Variants in PTPRR observed in about 807,000 individuals in gnomAD.
PTPRR encodes protein tyrosine phosphatase receptor type R.
A neutral mutation model predicts 77.2 loss-of-function variants in PTPRR; 38 were observed. The observed-to-expected ratio is 0.49, with a 90% CI of 0.38 to 0.65. The LOEUF (loss-of-function observed/expected upper bound fraction) is 0.65, where lower values mean the gene tolerates loss of function less well. Among genes scored for constraint, PTPRR ranks in the 30% least tolerant of loss-of-function variants. The pLI is 0.00. For synonymous variants in PTPRR, 299 were observed against 283.1 expected, an observed-to-expected ratio of 1.06 and a Z score of -0.57; for missense variants, 744 against 799.2, an observed-to-expected ratio of 0.93 and a Z score of 0.83.
chr12:70,918,144 T>C (rs554238252), intron 1 of PTPRR, among the ~76,000 whole-genome samples: 13 of 152,342 alleles, frequency 8.5e-5, no homozygotes, highest in African/African-American at 2.9e-4. Flanking sequence ...GGAGCTGTGT[T>C]TGTTTTAGTT....
At chr12:70,649,989 T>C (rs1886335868) in intron 13 of PTPRR, among the ~76,000 whole-genome samples, 3 of 152,210 alleles carry the variant, frequency 2.0e-5, no homozygotes, top group Non-Finnish European at 2.9e-5. Flanking sequence ...ACAACTTCTT[T>C]CCCTCTCATT....
chr12:70,849,805 A>G (rs1053209181), intron 2 of PTPRR, among the ~76,000 whole-genome samples: 1 of 152,128 alleles, frequency 6.6e-6, no homozygotes, highest in African/African-American at 2.4e-5. Context: ...TCAAATTAGG[A>G]TATTTGAGGA....
intron 6 of PTPRR, among the ~76,000 whole-genome samples, chr12:70,705,481 T>C (rs149270962): frequency 1.9e-3 from 276 of 148,072 alleles, no homozygotes; most frequent in African/African-American, 6.7e-3. Context: ...GCAGTATACC[T>C]CATTTAGCAA....
intron 8 of PTPRR, among the ~76,000 whole-genome samples, chr12:70,685,709 T>C (rs1887842701): frequency 6.6e-6 from 1 of 152,118 alleles, no homozygotes; most frequent in South Asian, 2.1e-4. Context: ...TTCAGTGAGT[T>C]TTCAGTCTGC....
intron 2 of PTPRR, among the ~76,000 whole-genome samples, chr12:70,879,658 C>T (rs1443336360): frequency 6.6e-6 from 1 of 152,108 alleles, no homozygotes; most frequent in Non-Finnish European, 1.5e-5. Flanking sequence ...AATATAGTTT[C>T]TTTTTTTCAT....
intron 13 of PTPRR, among the ~76,000 whole-genome samples, chr12:70,655,738 TGA>T (rs923834831): frequency 2.6e-5 from 4 of 152,282 alleles, no homozygotes; most frequent in East Asian, 3.9e-4. Flanking sequence ...CCAGTTGGGC[TGA>T]GAGAGGAATG....
chr12:70,825,612 C>T (rs1202592153), intron 2 of PTPRR, among the ~76,000 whole-genome samples: 1 of 152,194 alleles, frequency 6.6e-6, no homozygotes, highest in Admixed American at 6.5e-5. Context: ...TAGACCTCCT[C>T]AAGGCCTGGG....
intron 10 of PTPRR, among the ~76,000 whole-genome samples, chr12:70,668,539 A>G (rs962317908): frequency 9.9e-5 from 15 of 152,210 alleles, no homozygotes; most frequent in African/African-American, 3.4e-4. Context: ...CTAATTATAA[A>G]TGATAGAGAA....
At chr12:70,681,253 T>A (rs1887647283) in intron 10 of PTPRR, among the ~76,000 whole-genome samples, 1 of 152,184 alleles carries the variant, frequency 6.6e-6, no homozygotes, top group South Asian at 2.1e-4. Flanking sequence ...GAACAGGATG[T>A]ACTCTAGTTG....
chr12:70,643,054 C>T (rs1368827216), intron 13 of PTPRR, among the ~76,000 whole-genome samples: 4 of 152,138 alleles, frequency 2.6e-5, no homozygotes, highest in African/African-American at 9.7e-5. Flanking sequence ...CCTGTGGTCC[C>T]AACTACACAG....
intron 2 of PTPRR, among the ~76,000 whole-genome samples, chr12:70,881,424 C>T (rs547996425): frequency 6.6e-6 from 1 of 152,292 alleles, no homozygotes; most frequent in Admixed American, 6.5e-5. Flanking sequence ...GGGCAAACAT[C>T]TCTCACACAT....
At chr12:70,706,266 C>T (rs1417447657) in intron 6 of PTPRR, among the ~76,000 whole-genome samples, 1 of 151,998 alleles carries the variant, frequency 6.6e-6, no homozygotes, top group Non-Finnish European at 1.5e-5. Context: ...TTCTGGATCA[C>T]TTGAAAGATG....
chr12:70,750,715 T>C (rs370800620), intron 5 of PTPRR, among the ~76,000 whole-genome samples: 36 of 152,226 alleles, frequency 2.4e-4, no homozygotes, highest in African/African-American at 8.2e-4. Context: ...GTTCCTCTGT[T>C]ACTTTTCAGA....
At chr12:70,713,567 T>TTTTC (rs1888910429) in intron 6 of PTPRR, among the ~76,000 whole-genome samples, 1 of 150,618 alleles carries the variant, frequency 6.6e-6, no homozygotes, top group African/African-American at 2.4e-5. Context: ...GCTGCTGCCT[T>TTTTC]TTTTTTTTTT....
chr12:70,739,744 G>A (rs1200577711), intron 6 of PTPRR, among the ~76,000 whole-genome samples: 1 of 152,154 alleles, frequency 6.6e-6, no homozygotes, highest in East Asian at 1.9e-4. Context: ...ATACATCACT[G>A]TGGGCACAAA....
At chr12:70,685,728 TAACA>T (rs763700016) in intron 8 of PTPRR, among the ~76,000 whole-genome samples, 1 of 152,180 alleles carries the variant, frequency 6.6e-6, no homozygotes, top group African/African-American at 2.4e-5. Flanking sequence ...GCTCATAAAA[TAACA>T]AACAACATAC....
intron 2 of PTPRR, among the ~76,000 whole-genome samples, chr12:70,835,149 A>T (rs1892278783): frequency 6.6e-6 from 1 of 152,108 alleles, no homozygotes; most frequent in African/African-American, 2.4e-5. Context: ...GAAAATAATT[A>T]AAAATAATTA....
At chr12:70,787,537 T>C (rs755049302) in intron 2 of PTPRR, among the ~76,000 whole-genome samples, 1 of 152,198 alleles carries the variant, frequency 6.6e-6, no homozygotes, top group African/African-American at 2.4e-5. Context: ...AAAAGCTATA[T>C]AAGCAATAAA....
At chr12:70,719,536 CAAA>C (rs3970923) in intron 6 of PTPRR, among the ~76,000 whole-genome samples, 4 of 150,490 alleles carry the variant, frequency 2.7e-5, no homozygotes, top group African/African-American at 4.9e-5. Context: ...AGCAAAAGGG[CAAA>C]AAAAAAAATC....
Sources: allele counts gnomAD v4.1 joint callset (sites outside exome capture counted in the v4.1 genomes callset), GRCh38; gene constraint gnomAD v4.1.1; transcripts MANE v1.5; gene names NCBI Gene and HGNC (gene_info 2026-07-23, HGNC 2026-07-21).